The following ABI3BP variants were observed in gnomAD, a reference collection of about 807,000 sequenced individuals.
ABI3BP encodes the protein ABI family member 3 binding protein, also known as target of Nesh-SH3.
In ABI3BP, 216 loss-of-function variants were observed where a neutral mutation model predicts 268.6. The observed-to-expected ratio is 0.80, with a 90% CI of 0.72 to 0.90. ABI3BP has a LOEUF of 0.90. ABI3BP is among the 40% of genes least tolerant of loss of function. ABI3BP has a pLI of 0.00. For synonymous variants in ABI3BP, 730 were observed against 730.0 expected (o/e 1.00, Z 0.00); for missense variants, 2,090 against 2,182.4 (o/e 0.96, Z 0.84).
intron 2 of ABI3BP, among the ~76,000 whole-genome samples, chr3:100,917,541 A>G (rs1242026487): frequency 3.3e-5 from 5 of 151,776 alleles, no homozygotes; most frequent in African/African-American, 4.8e-5. Flanking sequence ...TCCACTTAAG[A>G]CCCCTTCTCC....
chr3:100,860,496 T>G (rs1423904803), intron 14 of ABI3BP, among the ~76,000 whole-genome samples: 1 of 152,168 alleles, frequency 6.6e-6, no homozygotes, highest in Non-Finnish European at 1.5e-5. Context: ...AACCAGAATA[T>G]TCCTTTTTTG....
At chr3:100,957,229 G>A (rs553853070) in intron 1 of ABI3BP, among the ~76,000 whole-genome samples, 1 of 152,166 alleles carries the variant, frequency 6.6e-6, no homozygotes, top group Non-Finnish European at 1.5e-5. Context: ...AAAGTTGAAA[G>A]CAGAGCTAAA....
rs1032848132 is a variant in ABI3BP, at chr3:100,834,744, G to A, written c.2221C>T (p.Arg741Cys). Residue 741 changes from arginine (R) to cysteine (C), a missense_variant, in exon 29 of 68, where the codon CGT (arginine) becomes TGT (cysteine). Physicochemically the swap from Arg to Cys is radical, Grantham distance 180 (BLOSUM62 -3). Coordinates refer to ENST00000471714, the MANE Select transcript of ABI3BP (RefSeq NM_001375547.2). ...GTTTTATGTTTGGGACGTGGACGAC[G>A]TGTTCTTGTTCGTTGCGATGTTTTT... ...APKTSQRTRT[R>C]RPRPKHKTTP... The A allele has an allele frequency of 1.8e-5, 28 of 1,535,576 alleles. No homozygotes were observed. Among genetic ancestry groups the A allele is most frequent in the Admixed American group, 5.9e-5 (3 of 50,952 alleles).
At chr3:100,795,316 G>T (rs2097312904) in intron 53 of ABI3BP, among the ~76,000 whole-genome samples, 1 of 152,032 alleles carries the variant, frequency 6.6e-6, no homozygotes, top group African/African-American at 2.4e-5. Flanking sequence ...CCCCGTTCAA[G>T]AGAGCATGCA....
intron 9 of ABI3BP, among the ~76,000 whole-genome samples, chr3:100,871,257 A>C (rs1161959573): frequency 6.6e-6 from 1 of 152,142 alleles, no homozygotes; most frequent in African/African-American, 2.4e-5. Flanking sequence ...CTAGGTACAC[A>C]TATAAAAAAA....
At chr3:100,934,411 T>C (rs1359494605) in intron 1 of ABI3BP, among the ~76,000 whole-genome samples, 1 of 152,060 alleles carries the variant, frequency 6.6e-6, no homozygotes, top group Non-Finnish European at 1.5e-5. Context: ...GTTCCAAGTC[T>C]TTGCTATTGT....
intron 57 of ABI3BP, among the ~76,000 whole-genome samples, chr3:100,783,811 T>C (rs1216294907): frequency 6.6e-6 from 1 of 152,214 alleles, no homozygotes; most frequent in Admixed American, 6.5e-5. Context: ...TAAAACTTTA[T>C]TTACAGAAAC....
chr3:100,935,205 G>GT (rs1463816184), intron 1 of ABI3BP, among the ~76,000 whole-genome samples: 1 of 152,136 alleles, frequency 6.6e-6, no homozygotes, highest in African/African-American at 2.4e-5. Flanking sequence ...TGGCTAGCCA[G>GT]TTTTCCCAAT....
chr3:100,824,196 C>T (rs1407800704), intron 36 of ABI3BP, among the ~76,000 whole-genome samples: 2 of 152,084 alleles, frequency 1.3e-5, no homozygotes, highest in Non-Finnish European at 2.9e-5. Flanking sequence ...CTTGATGTAC[C>T]CTTCCAAATG....
At chr3:100,780,289 C>CGTTA (rs2096830103) in intron 57 of ABI3BP, 80 bp from the exon 58 acceptor site, 1 of 1,343,510 alleles carries the variant, frequency 7.4e-7, no homozygotes, top group African/African-American at 1.5e-5. Flanking sequence ...CCAGTAATAA[C>CGTTA]GTACATTCTT....
In ABI3BP at chr3:100,902,657, G is replaced by A. The variant is rs750938732; in HGVS notation, c.289C>T (p.Arg97Ter). 26 of 1,613,806 alleles carry A rather than the reference G, an allele frequency of 1.6e-5. No individual in the cohort carries two copies. The highest frequency in any genetic ancestry group is 2.2e-5 in the East Asian group (1 of 44,874). Residue 97 changes from arginine (R) to a stop codon, truncating the protein, a stop_gained, in exon 3 of 68, where the codon CGA becomes TGA. Transcript: ENST00000471714. LOFTEE classifies it high-confidence loss of function. Reference protein sequence around the residue: ...DAEPKYLIVVRPAPPPSQKKS... With the variant: ...DAEPKYLIVV ...TTTTGACTTGGAGGTGGAGCAGGTCGCACAACTATCAGATATTTCGGCTCT... is the reference window on the plus strand; with the variant it reads ...TTTTGACTTGGAGGTGGAGCAGGTCACACAACTATCAGATATTTCGGCTCT...
chr3:100,861,750 C>T (rs956042122), intron 14 of ABI3BP, among the ~76,000 whole-genome samples: 4 of 151,432 alleles, frequency 2.6e-5, no homozygotes, highest in African/African-American at 9.7e-5. Context: ...CAATACCTTC[C>T]AAAAGTAGAG....
chr3:100,928,549 A>T (rs2062606173), intron 1 of ABI3BP, among the ~76,000 whole-genome samples: 1 of 152,118 alleles, frequency 6.6e-6, no homozygotes, highest in Non-Finnish European at 1.5e-5. Flanking sequence ...CTCAGCAGCT[A>T]AGGCTATAGT....
At chr3:100,787,067 T>C (rs2150551248) in intron 57 of ABI3BP, among the ~76,000 whole-genome samples, 1 of 152,216 alleles carries the variant, frequency 6.6e-6, no homozygotes, top group Admixed American at 6.5e-5. Flanking sequence ...TTAAAGGGAA[T>C]GATACAATTC....
chr3:100,940,760 C>A (rs1373763545), intron 1 of ABI3BP, among the ~76,000 whole-genome samples: 1 of 98,480 alleles, frequency 1.0e-5, no homozygotes, highest in Non-Finnish European at 1.9e-5. Flanking sequence ...CATGGTAATC[C>A]CTCATTTACA....
intron 50 of ABI3BP, 57 bp downstream of exon 50, chr3:100,808,104 T>C: frequency 6.8e-7 from 1 of 1,476,442 alleles, no homozygotes; most frequent in Non-Finnish European, 9.3e-7. Flanking sequence ...AACAATTTGC[T>C]AGAATAACCC....
intron 1 of ABI3BP, among the ~76,000 whole-genome samples, chr3:100,974,301 G>C (rs2085039503): frequency 6.6e-6 from 1 of 152,180 alleles, no homozygotes; most frequent in African/African-American, 2.4e-5. Flanking sequence ...AAAGACCTAT[G>C]TAAGCAAGTG....
At chr3:100,942,453 C>G (rs1254609433) in intron 1 of ABI3BP, among the ~76,000 whole-genome samples, 1 of 151,968 alleles carries the variant, frequency 6.6e-6, no homozygotes, top group East Asian at 1.9e-4. Flanking sequence ...TTTTTCTGTA[C>G]CACTTTGGAA....
Position 100,850,063 on chromosome 3 carries a change from T to C in ABI3BP, c.1483A>G (p.Met495Val). The change falls in exon 17 of 68, where the codon ATG (methionine) becomes GTG (valine). Residue 495 changes from methionine (M) to valine (V), a missense_variant. Physicochemically the swap from Met to Val is conservative, Grantham distance 21 (BLOSUM62 1). Coordinates refer to ENST00000471714, the MANE Select transcript of ABI3BP (RefSeq NM_001375547.2). ...QKLEIFTSPEMQPTTPAPQQT... is the reference protein window; with the variant it reads ...QKLEIFTSPEVQPTTPAPQQT... ...TAGTTACCAGGTGTCGTAGGCTGCA[T>C]TTCTGGACTGGTAAAGATTTCCAGT... 6.2e-7 allele frequency: 1 copy of C among 1,611,684 alleles called. No homozygotes were observed.
Sources: allele counts gnomAD v4.1 joint callset (sites outside exome capture counted in the v4.1 genomes callset), GRCh38; gene constraint gnomAD v4.1.1; transcripts MANE v1.5; gene names NCBI Gene and HGNC (gene_info 2026-07-23, HGNC 2026-07-21).